Variants in PADI3 observed in about 807,000 individuals in gnomAD.
PADI3 encodes the protein protein-arginine deiminase type-3.
Under a neutral mutation model 71.5 loss-of-function variants are expected in PADI3, and 53 were observed. The observed-to-expected ratio is 0.74, with a 90% CI of 0.59 to 0.93. The LOEUF is 0.93. PADI3 is among the 40% of genes least tolerant of loss of function. The pLI, the probability that PADI3 is intolerant of heterozygous loss-of-function variation, is 0.00. For missense variants in PADI3, 821 were observed against 868.0 expected, an observed-to-expected ratio of 0.95 and a Z score of 0.68; for synonymous variants, 361 against 347.5, an observed-to-expected ratio of 1.04 and a Z score of -0.43.
intron 1 of PADI3, among the ~76,000 whole-genome samples, chr1:17,254,163 C>T (rs1234345207): frequency 1.3e-5 from 2 of 152,288 alleles, no homozygotes; most frequent in Admixed American, 6.5e-5. Context: ...ACCATGATTT[C>T]CTGAACCTGA....
chr1:17,270,587 T>C (rs1351229146), intron 7 of PADI3, among the ~76,000 whole-genome samples, 176 bp downstream of exon 7: 1 of 151,662 alleles, frequency 6.6e-6, no homozygotes, highest in Non-Finnish European at 1.5e-5. Flanking sequence ...GAGGTTGAGG[T>C]TGCAGTGAGC....
At chr1:17,263,696 C>A (rs1057376126) in intron 3 of PADI3, among the ~76,000 whole-genome samples, 2 of 152,084 alleles carry the variant, frequency 1.3e-5, no homozygotes, top group Admixed American at 6.5e-5. Flanking sequence ...AGTAAAAAGT[C>A]AAACTGTGAA....
intron 1 of PADI3, among the ~76,000 whole-genome samples, chr1:17,250,010 C>T (rs1372869180): frequency 6.6e-6 from 1 of 152,210 alleles, no homozygotes; most frequent in East Asian, 1.9e-4. Context: ...CAGGTCATGC[C>T]TTTGAGGCCC....
chr1:17,280,219 G>A, intron 13 of PADI3, 131 bp from the exon 14 acceptor site: 1 of 715,404 alleles, frequency 1.4e-6, no homozygotes, highest in Admixed American at 2.0e-5. Flanking sequence ...CAAGGCCTGG[G>A]AAAGTCAGAG....
In PADI3 at chr1:17,276,502, A is replaced by T. The variant is rs1405112500; in HGVS notation, c.1308-17A>T. 2 of 1,611,750 alleles carry T rather than the reference A, an allele frequency of 1.2e-6. No individual in the cohort carries two copies. The highest frequency in any genetic ancestry group is 2.2e-5 in the South Asian group (2 of 90,798). ...TTTTTAGTTAAGCAACTTTTTTTTTAACCTCGTGGGTCCCAGGTCAAGTGG... is the reference window on the plus strand; with the variant it reads ...TTTTTAGTTAAGCAACTTTTTTTTTTACCTCGTGGGTCCCAGGTCAAGTGG... On this transcript the variant is annotated splice_polypyrimidine_tract_variant and intron_variant, in intron 11 of 15. Coordinates refer to ENST00000375460, the MANE Select transcript of PADI3 (RefSeq NM_016233.2).
At position 17,273,411 on chromosome 1, in the gene PADI3, T is replaced by C. The variant is rs770402727; in HGVS notation, c.1119T>C (p.Asn373=). The C allele has an allele frequency of 1.9e-6, 3 of 1,613,682 alleles. No individual in the cohort carries two copies. The highest frequency in any genetic ancestry group is 1.3e-5 in the African/African-American group (1 of 75,000). ...TLPVVFDSPR[N]GELQDFPYKR... ...CGGTGGTCTTTGACTCCCCAAGGAA[T>C]GGGGAACTGCAGGATTTCCCTTACA... Residue 373 remains asparagine, a synonymous_variant, in exon 10 of 16, where the codon AAT becomes AAC. Coordinates refer to ENST00000375460, the MANE Select transcript of PADI3 (RefSeq NM_016233.2).
In PADI3 at chr1:17,280,677, A is replaced by G. The variant is rs147744247; in HGVS notation, c.1642A>G (p.Ile548Val). The G allele has an allele frequency of 1.4e-4, 229 of 1,614,156 alleles. No individual in the cohort carries two copies. The South Asian group carries it at 1.9e-3, about 13-fold the overall frequency. The change falls in exon 15 of 16, where the codon ATC becomes GTC. Residue 548 changes from isoleucine (I) to valine (V), a missense_variant. Physicochemically the swap from Ile to Val is conservative, Grantham distance 29. Coordinates refer to ENST00000375460, the MANE Select transcript of PADI3 (RefSeq NM_016233.2). ...GGCCCTCCCCTGCCCCCAGAGCTGC[A>G]TCGACTGGAACCGTGAGGTGCTGAA... ...INYNKFVQSC[I>V]DWNREVLKRE...
At position 17,273,372 on chromosome 1, in the gene PADI3, G is replaced by A. The variant is rs150939554; in HGVS notation, c.1080G>A (p.Pro360=). 4.5e-5 allele frequency: 72 copies of A among 1,613,296 alleles called. No individual in the cohort carries two copies. The highest frequency in any genetic ancestry group is 3.3e-4 in the Middle Eastern group (2 of 6,064). The change falls in exon 10 of 16, where the codon CCG becomes CCA. Residue 360 remains proline, a synonymous_variant. Coordinates refer to ENST00000375460, the MANE Select transcript of PADI3 (RefSeq NM_016233.2). ...DEMELGYVQA[P]HKTLPVVFDS... is the part of the protein sequence containing the mutation. Reference sequence around the variant, plus strand: ...TGGAGCTGGGCTACGTTCAGGCGCCGCACAAGACCCTCCCGGTGGTCTTTG... The same window carrying A: ...TGGAGCTGGGCTACGTTCAGGCGCCACACAAGACCCTCCCGGTGGTCTTTG...
intron 13 of PADI3, among the ~76,000 whole-genome samples, chr1:17,279,512 G>C (rs1160789172): frequency 6.6e-6 from 1 of 152,154 alleles, no homozygotes; most frequent in East Asian, 1.9e-4. Flanking sequence ...ATGGGTCAGG[G>C]GAGCCCTCTC....
intron 1 of PADI3, among the ~76,000 whole-genome samples, chr1:17,249,819 G>C (rs1002295564): frequency 6.6e-6 from 1 of 152,186 alleles, no homozygotes; most frequent in Non-Finnish European, 1.5e-5. Context: ...CCGAGGCAGA[G>C]AGGGCAAGCC....
rs774376210 is a variant in PADI3, at chr1:17,282,862, T to C, written c.1778T>C (p.Leu593Pro). 1 of 1,612,482 alleles carries C rather than the reference T, an allele frequency of 6.2e-7. No homozygotes were observed. The highest frequency in any genetic ancestry group is 2.2e-5 in the East Asian group (1 of 44,792). The change falls in exon 16 of 16, where the codon CTG becomes CCG. Residue 593 changes from leucine (L) to proline (P), a missense_variant. Transcript: ENST00000375460. ...GGACTGCAGGTGAACATGCTGGTGC[T>C]GGGGAAGCACCTGGGCATCCCCAAG... Reference protein sequence around the residue: ...FFPDLVNMLVLGKHLGIPKPF... With the variant: ...FFPDLVNMLVPGKHLGIPKPF...
intron 15 of PADI3, 55 bp from the exon 16 acceptor site, chr1:17,282,791 A>G: frequency 7.6e-7 from 1 of 1,311,366 alleles, no homozygotes; most frequent in South Asian, 1.3e-5. Context: ...CAGGTAGAGT[A>G]GAGGTGTGGG....
chr1:17,282,013 C>T (rs1448226807), intron 15 of PADI3, among the ~76,000 whole-genome samples: 1 of 152,202 alleles, frequency 6.6e-6, no homozygotes, highest in Non-Finnish European at 1.5e-5. Flanking sequence ...TGTGGGGAAC[C>T]TGTCCACACC....
At chr1:17,260,846 G>C (rs2073094083) in intron 2 of PADI3, among the ~76,000 whole-genome samples, 1 of 152,160 alleles carries the variant, frequency 6.6e-6, no homozygotes, top group African/African-American at 2.4e-5. Flanking sequence ...CCTGTGAGGG[G>C]CCCCACCTTG....
At chr1:17,252,351 C>T (rs2072975990) in intron 1 of PADI3, among the ~76,000 whole-genome samples, 1 of 133,628 alleles carries the variant, frequency 7.5e-6, no homozygotes, top group Non-Finnish European at 1.7e-5. Context: ...CAGCACAAAC[C>T]TTAGCACAAA....
At chr1:17,255,433 C>T (rs1429632797) in intron 1 of PADI3, among the ~76,000 whole-genome samples, 1 of 152,186 alleles carries the variant, frequency 6.6e-6, no homozygotes, top group East Asian at 1.9e-4. Flanking sequence ...GGCCCTGAGC[C>T]CAGGACTGGA....
chr1:17,255,300 A>G (rs753580733), intron 1 of PADI3, among the ~76,000 whole-genome samples: 48 of 152,012 alleles, frequency 3.2e-4, no homozygotes, highest in Admixed American at 1.0e-3. Context: ...TTTACCCCCA[A>G]CTCACCATCT....
intron 14 of PADI3, 33 bp downstream of exon 14, chr1:17,280,462 A>G: frequency 2.5e-6 from 4 of 1,581,592 alleles, no homozygotes; most frequent in Non-Finnish European, 3.5e-6. Flanking sequence ...GTGGGCTGTG[A>G]TTTGGGAGTA....
chr1:17,266,139 T>C (rs927505222), intron 4 of PADI3, among the ~76,000 whole-genome samples: 2 of 152,218 alleles, frequency 1.3e-5, no homozygotes, highest in African/African-American at 4.8e-5. Context: ...TAAAACTTTA[T>C]TTATACAAAC....
Sources: allele counts gnomAD v4.1 joint callset (sites outside exome capture counted in the v4.1 genomes callset), GRCh38; gene constraint gnomAD v4.1.1; transcripts MANE v1.5; gene names NCBI Gene and HGNC (gene_info 2026-07-23, HGNC 2026-07-21).